Variants in FNBP4 observed in about 807,000 individuals in gnomAD.
The protein encoded by FNBP4 is formin binding protein 4.
FNBP4 carries 34 observed loss-of-function variants against 119.3 expected under a neutral mutation model. The observed-to-expected ratio is 0.28, with a 90% CI of 0.22 to 0.38. FNBP4 has a LOEUF of 0.38. FNBP4 is among the 10% of genes least tolerant of loss of function. FNBP4 has a pLI of 1.00. For synonymous variants in FNBP4, 462 were observed against 430.6 expected (o/e 1.07, Z -0.90); for missense variants, 1,112 against 1,228.9 (o/e 0.90, Z 1.42).
At chr11:47,727,189 C>T (rs2097561975) in intron 12 of FNBP4, among the ~76,000 whole-genome samples, 1 of 151,700 alleles carries the variant, frequency 6.6e-6, no homozygotes, top group African/African-American at 2.4e-5. Flanking sequence ...TTAAACTAGA[C>T]TTGATAAAAT....
chr11:47,729,176 G>A lies in FNBP4; in HGVS notation c.2008+2198C>T, dbSNP rs924785539. On this transcript the variant is annotated intron_variant, in intron 12 of 16. Coordinates refer to ENST00000263773, the MANE Select transcript of FNBP4 (RefSeq NM_015308.5). ...CTAGGCATCTTTATTTCTATGTATA[G>A]AAAGCCTTCCTTAATTTTCCCCCCA... is the stretch of plus-strand genomic sequence containing the variant. The A allele has an allele frequency of 3.0e-6, 3 of 985,168 alleles. No individual in the cohort carries two copies. The African/African-American group carries it at 5.2e-5, about 17-fold the overall frequency. 61.0% of individuals were successfully genotyped at this position (985,168 alleles called of 1,614,324 possible).
In FNBP4 at chr11:47,717,394, A is replaced by C. The variant is rs2097551080; in HGVS notation, c.*28T>G. ...TGAACTGAACACAAAACAAACAATA[A>C]TACAAAAAAGTTTTAAAAACTTAAA... On this transcript the variant is annotated 3_prime_UTR_variant, in exon 17 of 17. Coordinates refer to ENST00000263773, the MANE Select transcript of FNBP4 (RefSeq NM_015308.5). 1 of 1,486,732 alleles carries C rather than the reference A, an allele frequency of 6.7e-7. No individual in the cohort carries two copies. The highest frequency in any genetic ancestry group is 2.3e-5 in the East Asian group (1 of 44,232). The allele number at this position is 1,486,732 out of a possible 1,614,324, so 92.1% of individuals were successfully genotyped here. A position where few individuals can be genotyped will look rare whatever the true frequency, so the allele number is the denominator to read the frequency against.
intron 15 of FNBP4, among the ~76,000 whole-genome samples, chr11:47,721,660 A>T (rs1039334962): frequency 2.0e-5 from 3 of 152,058 alleles, no homozygotes; most frequent in Non-Finnish European, 4.4e-5. Flanking sequence ...TAATGATATA[A>T]TATTTTTTCT....
At chr11:47,724,799 CAG>C (rs769343370) in intron 12 of FNBP4, 21 bp from the exon 13 acceptor site, 1 of 1,521,080 alleles carries the variant, frequency 6.6e-7, no homozygotes, top group Non-Finnish European at 8.8e-7. Context: ...AGGTAAGAGT[CAG>C]GGAAAAAGCA....
chr11:47,737,416 A>C (rs1310840069), intron 8 of FNBP4, among the ~76,000 whole-genome samples: 1 of 152,094 alleles, frequency 6.6e-6, no homozygotes, highest in African/African-American at 2.4e-5. Flanking sequence ...TTGCAGGGGA[A>C]GGTGCTCAAA....
Position 47,732,615 on chromosome 11 carries a change from T to G in FNBP4, c.1742A>C (p.Lys581Thr). ...GALNGNYLKR[K>T]LQDAAEQLKQ... ...TAGTTGTTCTGCTGCATCCTGAAGT[T>G]TTCGTTTAAGGTAGTTTCCATTAAG... Residue 581 changes from lysine (K) to threonine (T), a missense_variant, in exon 11 of 17, where the codon AAA becomes ACA. Coordinates refer to ENST00000263773, the MANE Select transcript of FNBP4 (RefSeq NM_015308.5). The surrounding 1 kb of genome is among the most constrained non-coding windows in gnomAD (Gnocchi z 4.2). 2 of 1,614,180 alleles carry G rather than the reference T, an allele frequency of 1.2e-6. No homozygotes were observed. The highest frequency in any genetic ancestry group is 1.7e-6 in the Non-Finnish European group (2 of 1,180,036).
At position 47,758,876 on chromosome 11, in the gene FNBP4, AAG is replaced by A. The variant is rs554231506; in HGVS notation, c.314-4214_314-4213del. Reference sequence around the variant, plus strand: ...CCGTCTAAAAAAAAGCGGGGGGGAAAAGAGAGAGAAATTTGCAAGGACGTTTC... The same window carrying A: ...CCGTCTAAAAAAAAGCGGGGGGGAAAAGAGAGAAATTTGCAAGGACGTTTC... On this transcript the variant is annotated intron_variant, in intron 2 of 16. Transcript: ENST00000263773. Among the ~76,000 whole-genome samples, 13 of 152,012 alleles carry A rather than the reference AAG, an allele frequency of 8.6e-5. No homozygotes were observed. In the East Asian group the frequency reaches 1.4e-3, roughly 16 times the overall value.
Position 47,746,349 on chromosome 11 carries a change from T to C in FNBP4, c.952A>G (p.Lys318Glu), listed in dbSNP as rs1599221387. Residue 318 changes from lysine to glutamate, a missense_variant, in exon 7 of 17, where the codon AAG becomes GAG. Coordinates refer to ENST00000263773, the MANE Select transcript of FNBP4 (RefSeq NM_015308.5). ...IQALSNSEEEKKGVAASLLAP... is the reference protein window; with the variant it reads ...IQALSNSEEEEKGVAASLLAP... ...AGCAGCGATGCTGCCACCCCTTTCT[T>C]CTCCTCCTCACTATTTGAGAGAGCC... 1.9e-6 allele frequency: 3 copies of C among 1,613,360 alleles called. No homozygotes were observed. The highest frequency in any genetic ancestry group is 2.5e-6 in the Non-Finnish European group (3 of 1,179,908).
chr11:47,746,354 T>G lies in FNBP4; in HGVS notation c.947A>C (p.Glu316Ala). 1 of 1,612,656 alleles carries G rather than the reference T, an allele frequency of 6.2e-7. No homozygotes were observed. Among genetic ancestry groups the G allele is most frequent in the Non-Finnish European group, 8.5e-7 (1 of 1,179,754 alleles). ...EGIQALSNSE[E>A]EKKGVAASLL... ...CGATGCTGCCACCCCTTTCTTCTCC[T>G]CCTCACTATTTGAGAGAGCCTGAAT... The change falls in exon 7 of 17, where the codon GAG (glutamate) becomes GCG (alanine). Residue 316 changes from glutamate (E) to alanine (A), a missense_variant. Physicochemically the swap from Glu to Ala is moderately radical, Grantham distance 107. Transcript: ENST00000263773.
chr11:47,744,684 T>C (rs2097586913), intron 7 of FNBP4, among the ~76,000 whole-genome samples: 1 of 152,258 alleles, frequency 6.6e-6, no homozygotes, highest in Non-Finnish European at 1.5e-5. Flanking sequence ...AAGCACATCA[T>C]GGAGAATGGG....
At chr11:47,757,833 A>ACATG (rs1565163517) in intron 2 of FNBP4, among the ~76,000 whole-genome samples, 2 of 151,886 alleles carry the variant, frequency 1.3e-5, no homozygotes. Context: ...GTTTATGTAT[A>ACATG]TATGTAAGAG....
intron 8 of FNBP4, among the ~76,000 whole-genome samples, chr11:47,738,409 C>G (rs1423425865): frequency 6.6e-6 from 1 of 151,814 alleles, no homozygotes; most frequent in African/African-American, 2.4e-5. Context: ...ACTAAAAATA[C>G]AAAAAATTAG....
intron 9 of FNBP4, among the ~76,000 whole-genome samples, chr11:47,734,700 T>G (rs1454024418): frequency 1.3e-5 from 2 of 151,876 alleles, no homozygotes; most frequent in Non-Finnish European, 2.9e-5. Flanking sequence ...TGGGGCTGGG[T>G]GTGGTGGCTC....
intron 3 of FNBP4, 57 bp downstream of exon 3, chr11:47,754,471 G>C: frequency 6.3e-7 from 1 of 1,582,050 alleles, no homozygotes; most frequent in Non-Finnish European, 8.6e-7. Flanking sequence ...GACCACTTAA[G>C]ATCCAGGTCC....
At position 47,752,851 on chromosome 11, in the gene FNBP4, A is replaced by G. The variant is rs2097607022; in HGVS notation, c.637+65T>C. 2.2e-6 allele frequency: 3 copies of G among 1,387,802 alleles called. No homozygotes were observed. The African/African-American group carries it at 4.3e-5, about 20-fold the overall frequency. The allele number at this position is 1,387,802 out of a possible 1,614,324, so 86.0% of individuals were successfully genotyped here. On this transcript the variant is annotated intron_variant, in intron 4 of 16. Coordinates refer to ENST00000263773, the MANE Select transcript of FNBP4 (RefSeq NM_015308.5). The stretch of plus-strand genomic sequence containing the variant: ...CAAACAAACAAACAAAAAACCAGAA[A>G]AGTGAATGCCTAGAATCCCTTTAAG...
At position 47,751,006 on chromosome 11, in the gene FNBP4, C is replaced by T; in HGVS notation, c.816G>A (p.Val272=). 6.2e-7 allele frequency: 1 copy of T among 1,613,878 alleles called. No individual in the cohort carries two copies. The highest frequency in any genetic ancestry group is 8.5e-7 in the Non-Finnish European group (1 of 1,179,948). The stretch of plus-strand genomic sequence containing the variant: ...CCTTAGAATATATGTCTGTATTTAC[C>T]ACAAAACTAGTTTCAGCACCTGGCA... ...SSVPGAETSF[V]VNTDIYSKEK... is the part of the protein sequence containing the mutation. The change falls in exon 6 of 17, where the codon GTG becomes GTA. Residue 272 remains valine (V), a synonymous_variant. Transcript: ENST00000263773.
rs1213678094 is a variant in FNBP4 at position 47,732,234 on chromosome 11, G to A, written c.1820+303C>T. ...TTCCAGAGGTCCTGTAAAGCGCACA[G>A]AGCTCTCGCATGCGCTTAACCCCCA... On this transcript the variant is annotated intron_variant, in intron 11 of 16. Transcript: ENST00000263773. The surrounding 1 kb of genome is among the most constrained non-coding windows in gnomAD (Gnocchi z 4.2). 8.6e-7 allele frequency: 1 copy of A among 1,159,792 alleles called. No individual in the cohort carries two copies. 71.8% of individuals were successfully genotyped at this position (1,159,792 alleles called of 1,614,324 possible).
At chr11:47,760,343 CCT>C (rs1459818498) in intron 2 of FNBP4, among the ~76,000 whole-genome samples, 6 of 150,886 alleles carry the variant, frequency 4.0e-5, no homozygotes, top group Admixed American at 6.6e-5. Context: ...CTCACTGCAG[CCT>C]CTGTTTCCTG....
intron 12 of FNBP4, among the ~76,000 whole-genome samples, chr11:47,730,617 C>T (rs1165917282): frequency 6.6e-6 from 1 of 152,140 alleles, no homozygotes; most frequent in Non-Finnish European, 1.5e-5. Flanking sequence ...ACTTTAGAAA[C>T]GACTCATAGA....
Sources: gnomAD v4.1 joint callset for allele counts (sites outside exome capture counted in the v4.1 genomes callset) on GRCh38, gnomAD v4.1.1 for gene constraint, Gnocchi (gnomAD v3.1) non-coding constraint, MANE v1.5 for transcripts, NCBI Gene and HGNC (gene_info 2026-07-23, HGNC 2026-07-21) for gene names.